NRG2: variants seen among roughly 807,000 people sequenced by gnomAD.
NRG2 encodes pro-neuregulin-2, membrane-bound isoform.
In NRG2, 27 loss-of-function variants were observed where a neutral mutation model predicts 73.9. The observed-to-expected ratio is 0.37, with a 90% CI of 0.27 to 0.50. The LOEUF (loss-of-function observed/expected upper bound fraction) is 0.50. NRG2 is among the 20% of genes least tolerant of loss of function. The pLI is 0.96. For synonymous variants in NRG2, 532 were observed against 541.0 expected (o/e 0.98, Z 0.23); for missense variants, 1,126 against 1,210.1 (o/e 0.93, Z 1.03).
chr5:139,935,092 A>G (rs264354), intron 1 of NRG2, among the ~76,000 whole-genome samples: 33,531 of 152,074 alleles, frequency 0.22, 4,842 homozygotes, highest in African/African-American at 0.41. Context: ...GCTTGAACCC[A>G]GGAGGCAGAA....
At chr5:139,948,265 C>T (rs750566713) in intron 1 of NRG2, among the ~76,000 whole-genome samples, 6 of 152,196 alleles carry the variant, frequency 3.9e-5, no homozygotes, top group South Asian at 2.1e-4. Context: ...GAATACTCTT[C>T]GTAGTCAGAA....
intron 1 of NRG2, among the ~76,000 whole-genome samples, chr5:140,034,141 T>A (rs1250721898): frequency 1.3e-5 from 2 of 152,168 alleles, no homozygotes; most frequent in Admixed American, 1.3e-4. Context: ...TTTGTATTTT[T>A]AATACAGATA....
intron 1 of NRG2, among the ~76,000 whole-genome samples, chr5:139,988,327 C>T (rs577667635): frequency 2.6e-5 from 4 of 152,090 alleles, no homozygotes; most frequent in South Asian, 2.1e-4. Context: ...TGAAAACTTA[C>T]GTCCATACAA....
intron 1 of NRG2, among the ~76,000 whole-genome samples, chr5:139,950,946 A>G (rs1754155593): frequency 6.6e-6 from 1 of 152,344 alleles, no homozygotes; most frequent in South Asian, 2.1e-4. Flanking sequence ...ACTGCTGCCA[A>G]TAACAGCTCC....
At chr5:139,902,513 C>T (rs1047411639) in intron 1 of NRG2, among the ~76,000 whole-genome samples, 5 of 152,186 alleles carry the variant, frequency 3.3e-5, no homozygotes, top group African/African-American at 7.2e-5. Flanking sequence ...AGATTCCCAC[C>T]CCACATCTAA....
intron 1 of NRG2, among the ~76,000 whole-genome samples, chr5:139,888,611 G>C (rs1764023465): frequency 6.6e-6 from 1 of 152,164 alleles, no homozygotes; most frequent in Non-Finnish European, 1.5e-5. Flanking sequence ...TCTGGAGAAA[G>C]GCAGGCAAGA....
chr5:139,910,197 C>T (rs1240978884), intron 1 of NRG2, among the ~76,000 whole-genome samples: 1 of 152,136 alleles, frequency 6.6e-6, no homozygotes, highest in South Asian at 2.1e-4. Flanking sequence ...GTCAGCCAAC[C>T]CGGAAAGCCT....
intron 1 of NRG2, among the ~76,000 whole-genome samples, chr5:139,916,942 AT>A (rs1162108993): frequency 2.0e-5 from 3 of 152,184 alleles, no homozygotes; most frequent in Non-Finnish European, 4.4e-5. Context: ...TGGAAGTAAG[AT>A]TGCTCAGTCA....
chr5:139,890,994 A>G (rs1764179731), intron 1 of NRG2, among the ~76,000 whole-genome samples: 1 of 152,184 alleles, frequency 6.6e-6, no homozygotes, highest in African/African-American at 2.4e-5. Flanking sequence ...TGGGGACACA[A>G]CACAGAGAGC....
chr5:139,863,846 GC>G, intron 5 of NRG2, among the ~76,000 whole-genome samples: 1 of 152,214 alleles, frequency 6.6e-6, no homozygotes, highest in East Asian at 1.9e-4. Flanking sequence ...GACCATCTGG[GC>G]CAAGCAGCTC....
At chr5:139,881,853 C>G (rs537058911) in intron 2 of NRG2, among the ~76,000 whole-genome samples, 175 of 152,296 alleles carry the variant, frequency 1.1e-3, no homozygotes, top group African/African-American at 4.0e-3. Flanking sequence ...CTTGGTCCCC[C>G]TCTTCTTTCT....
At chr5:139,927,785 A>AG (rs1752175923) in intron 1 of NRG2, among the ~76,000 whole-genome samples, 1 of 146,288 alleles carries the variant, frequency 6.8e-6, no homozygotes, top group African/African-American at 2.6e-5. Context: ...AAAAAAAAAA[A>AG]AGTAATCTGG....
chr5:140,012,627 C>T (rs1461386927), intron 1 of NRG2, among the ~76,000 whole-genome samples: 6 of 152,130 alleles, frequency 3.9e-5, no homozygotes, highest in South Asian at 4.1e-4. Flanking sequence ...ATGCATCCTA[C>T]TCTCCACCTA....
chr5:139,879,886 C>G (rs187870660), intron 3 of NRG2, among the ~76,000 whole-genome samples: 1 of 152,260 alleles, frequency 6.6e-6, no homozygotes, highest in Admixed American at 6.5e-5. Flanking sequence ...TGTCCCTCAC[C>G]AGGACAGGAA....
intron 3 of NRG2, among the ~76,000 whole-genome samples, chr5:139,878,475 T>A (rs1763323607): frequency 6.6e-6 from 1 of 151,984 alleles, no homozygotes; most frequent in South Asian, 2.1e-4. Flanking sequence ...TCCCCAAACA[T>A]GAGAGAGGCC....
intron 1 of NRG2, among the ~76,000 whole-genome samples, chr5:139,937,998 G>C (rs1752972072): frequency 6.6e-6 from 1 of 152,196 alleles, no homozygotes. Flanking sequence ...AGGATTGCTT[G>C]AGCCCAGGAG....
intron 1 of NRG2, among the ~76,000 whole-genome samples, chr5:140,013,198 ACT>A (rs776092923): frequency 6.6e-5 from 10 of 152,012 alleles, no homozygotes; most frequent in South Asian, 2.1e-4. Context: ...CATATACATA[ACT>A]CTGCCTCTCT....
chr5:139,871,936 T>C, intron 3 of NRG2, 95 bp from the exon 4 acceptor site: 5 of 1,515,884 alleles, frequency 3.3e-6, no homozygotes, highest in Non-Finnish European at 4.5e-6. Flanking sequence ...AACTGGAAGA[T>C]GACCAGAGGC....
At chr5:139,873,819 C>T (rs1197597360) in intron 3 of NRG2, among the ~76,000 whole-genome samples, 1 of 152,240 alleles carries the variant, frequency 6.6e-6, no homozygotes, top group African/African-American at 2.4e-5. Flanking sequence ...CACAGTTGCA[C>T]ACTTGGGCTT....
Sources: gnomAD v4.1 joint callset for allele counts (sites outside exome capture counted in the v4.1 genomes callset) on GRCh38, gnomAD v4.1.1 for gene constraint, MANE v1.5 for transcripts, NCBI Gene and HGNC (gene_info 2026-07-23, HGNC 2026-07-21) for gene names.